LRRIQ3: variants seen among roughly 807,000 people sequenced by gnomAD.
LRRIQ3 encodes the protein leucine rich repeats and IQ motif containing 3, also known as leucine-rich repeat and IQ domain-containing protein 3.
A neutral mutation model predicts 59.3 loss-of-function variants in LRRIQ3; 75 were observed. The observed-to-expected ratio is 1.26, with a 90% CI of 1.05 to 1.53. The LOEUF is 1.53. Among genes scored for constraint, LRRIQ3 ranks in the 40% most tolerant of loss-of-function variants. The pLI is 0.00. For synonymous variants in LRRIQ3, 250 were observed against 231.3 expected, an observed-to-expected ratio of 1.08 and a Z score of -0.73; for missense variants, 831 against 710.0, an observed-to-expected ratio of 1.17 and a Z score of -1.94.
rs146605793 is a variant in LRRIQ3 at position 74,149,313 on chromosome 1, C to G, written c.707+6420G>C. Reference sequence around the variant, plus strand: ...GTAAATTCATCCAGGCTCAATGTCTCTTTGTGAAAAGCACTTCAAGAATGT... The same window carrying G: ...GTAAATTCATCCAGGCTCAATGTCTGTTTGTGAAAAGCACTTCAAGAATGT... On this transcript the variant is annotated intron_variant, in intron 4 of 7. Coordinates refer to ENST00000354431, the MANE Select transcript of LRRIQ3 (RefSeq NM_001105659.2). Among the ~76,000 whole-genome samples, 1,056 of 152,258 alleles carry G rather than the reference C, an allele frequency of 6.9e-3. 11 individuals carry two copies. Among genetic ancestry groups the G allele is most frequent in the African/African-American group, 0.023 (967 of 41,544 alleles).
chr1:74,147,808 T>C (rs1419051687), intron 4 of LRRIQ3, among the ~76,000 whole-genome samples: 1 of 152,170 alleles, frequency 6.6e-6, no homozygotes, highest in African/African-American at 2.4e-5. Flanking sequence ...TTAAGCTTTC[T>C]GTATGTGGGT....
At chr1:74,194,648 A>C (rs1650983615) in intron 1 of LRRIQ3, among the ~76,000 whole-genome samples, 2 of 152,308 alleles carry the variant, frequency 1.3e-5, no homozygotes, top group Admixed American at 6.5e-5. Context: ...GTGGTGAGCC[A>C]GAAGATGGAT....
At chr1:74,100,866 C>G (rs991154831) in intron 5 of LRRIQ3, among the ~76,000 whole-genome samples, 7 of 152,102 alleles carry the variant, frequency 4.6e-5, no homozygotes, top group Admixed American at 1.3e-4. Flanking sequence ...ATGTAGAAAG[C>G]TGAAACTGGA....
At chr1:74,059,472 C>A (rs1654637358) in intron 6 of LRRIQ3, among the ~76,000 whole-genome samples, 1 of 151,738 alleles carries the variant, frequency 6.6e-6, no homozygotes, top group Non-Finnish European at 1.5e-5. Context: ...TATAGTTGTC[C>A]CAGCACCATT....
At chr1:74,194,720 T>G (rs565326057) in intron 1 of LRRIQ3, among the ~76,000 whole-genome samples, 1 of 152,274 alleles carries the variant, frequency 6.6e-6, no homozygotes, top group Non-Finnish European at 1.5e-5. Flanking sequence ...AATCACAACC[T>G]CTTAATAAAG....
intron 5 of LRRIQ3, among the ~76,000 whole-genome samples, chr1:74,100,339 C>T (rs1004219962): frequency 6.6e-6 from 1 of 152,082 alleles, no homozygotes; most frequent in South Asian, 2.1e-4. Context: ...ACCTAAGAAT[C>T]CAACTTACAA....
At chr1:74,090,439 T>C (rs1245928063) in intron 5 of LRRIQ3, among the ~76,000 whole-genome samples, 1 of 151,936 alleles carries the variant, frequency 6.6e-6, no homozygotes, top group Non-Finnish European at 1.5e-5. Flanking sequence ...GTATTTAAAA[T>C]ACAGCTAAAA....
At chr1:74,035,281 G>GTAGACA (rs201220287) in intron 7 of LRRIQ3, among the ~76,000 whole-genome samples, 3,812 of 151,854 alleles carry the variant, frequency 0.025, 161 homozygotes, top group African/African-American at 0.088. Flanking sequence ...AGACATAGAA[G>GTAGACA]TAGACATAGA....
chr1:74,158,461 G>C (rs968102811), intron 3 of LRRIQ3, among the ~76,000 whole-genome samples: 1 of 151,884 alleles, frequency 6.6e-6, no homozygotes, highest in East Asian at 1.9e-4. Context: ...AATGCTTTTT[G>C]CCATCTGTAT....
chr1:74,077,533 G>A (rs757870790), intron 5 of LRRIQ3, among the ~76,000 whole-genome samples: 22 of 151,776 alleles, frequency 1.4e-4, no homozygotes, highest in Non-Finnish European at 1.9e-4. Flanking sequence ...CTCATGAAAC[G>A]TAAAGGGTCA....
chr1:74,160,085 T>C (rs938061608), intron 3 of LRRIQ3, among the ~76,000 whole-genome samples: 1 of 152,078 alleles, frequency 6.6e-6, no homozygotes. Context: ...TCAGGTCATA[T>C]AAATGCCTGA....
intron 4 of LRRIQ3, among the ~76,000 whole-genome samples, chr1:74,115,094 C>A (rs1646760553): frequency 6.6e-6 from 1 of 151,894 alleles, no homozygotes; most frequent in Admixed American, 6.6e-5. Context: ...TGAAGCGGTA[C>A]AAATCATTTC....
At chr1:74,051,168 C>T (rs1403075185) in intron 6 of LRRIQ3, among the ~76,000 whole-genome samples, 1 of 152,100 alleles carries the variant, frequency 6.6e-6, no homozygotes, top group Non-Finnish European at 1.5e-5. Flanking sequence ...TTATATTCTA[C>T]ATGGGAAAAT....
intron 6 of LRRIQ3, among the ~76,000 whole-genome samples, chr1:74,063,960 G>C (rs1456363859): frequency 1.3e-5 from 2 of 151,140 alleles, no homozygotes; most frequent in African/African-American, 4.9e-5. Flanking sequence ...TTTTATTTTT[G>C]AGCCATATTC....
chr1:74,073,146 T>G (rs751540477), intron 6 of LRRIQ3, among the ~76,000 whole-genome samples: 14 of 152,158 alleles, frequency 9.2e-5, no homozygotes, highest in Non-Finnish European at 1.9e-4. Flanking sequence ...GCTCCTTCGC[T>G]GAATTTGCTT....
At chr1:74,124,828 CTT>C (rs1557627048) in intron 4 of LRRIQ3, among the ~76,000 whole-genome samples, 1 of 151,776 alleles carries the variant, frequency 6.6e-6, no homozygotes, top group Non-Finnish European at 1.5e-5. Flanking sequence ...GTCAAGCTGA[CTT>C]TGGCTATTCT....
intron 6 of LRRIQ3, among the ~76,000 whole-genome samples, chr1:74,069,461 G>A (rs1391932642): frequency 6.6e-6 from 1 of 151,766 alleles, no homozygotes; most frequent in Non-Finnish European, 1.5e-5. Context: ...CTGACCTACA[G>A]TGTTATATCA....
intron 6 of LRRIQ3, among the ~76,000 whole-genome samples, chr1:74,069,482 G>T (rs79421138): frequency 0.034 from 5,097 of 151,520 alleles, 304 homozygotes; most frequent in African/African-American, 0.12. Flanking sequence ...TTTTTGTAGA[G>T]AAAAATAAAA....
chr1:74,084,816 T>A (rs1299551963), intron 5 of LRRIQ3, among the ~76,000 whole-genome samples: 3 of 151,776 alleles, frequency 2.0e-5, no homozygotes, highest in Non-Finnish European at 3.0e-5. Context: ...AATCTACTAT[T>A]CATTAATTTA....
Sources: allele counts gnomAD v4.1 joint callset (sites outside exome capture counted in the v4.1 genomes callset), GRCh38; gene constraint gnomAD v4.1.1; transcripts MANE v1.5; gene names NCBI Gene and HGNC (gene_info 2026-07-23, HGNC 2026-07-21).